Variants in NFIB observed in about 807,000 individuals in gnomAD.
NFIB encodes nuclear factor 1 B-type.
A neutral mutation model predicts 61.5 loss-of-function variants in NFIB; 11 were observed. That is an observed-to-expected ratio of 0.18 (90% CI 0.11 to 0.30). NFIB has a LOEUF of 0.30. NFIB is among the 10% of genes least tolerant of loss of function. The pLI is 1.00. For synonymous variants in NFIB, 260 were observed against 216.5 expected (o/e 1.20, Z -1.76); for missense variants, 471 against 608.9 (o/e 0.77, Z 2.38).
chr9:14,446,447 T>C, the NFIB span, among the ~76,000 whole-genome samples: 1 of 152,194 alleles, frequency 6.6e-6, no homozygotes, highest in Non-Finnish European at 1.5e-5. Flanking sequence ...TTTGTTATCT[T>C]ATGCTTCTTT....
intron 1 of NFIB, among the ~76,000 whole-genome samples, chr9:14,366,430 C>T (rs887350833): frequency 9.2e-5 from 14 of 152,122 alleles, no homozygotes; most frequent in Non-Finnish European, 1.5e-4. Flanking sequence ...TATTCCCTAG[C>T]GGATATGTGT....
rs2033126317 is a variant in NFIB at position 14,088,019 on chromosome 9, T to C, written c.*290A>G. The stretch of plus-strand genomic sequence containing the variant: ...AATATCATCGACCCTTTTTATGTCA[T>C]TACAGTTTCAACCTTAAGGGAATTA... On this transcript the variant is annotated 3_prime_UTR_variant, in exon 11 of 11. Coordinates refer to ENST00000380953, the MANE Select transcript of NFIB (RefSeq NM_001190737.2). 3 of 461,022 alleles carry C rather than the reference T, an allele frequency of 6.5e-6. No homozygotes were observed. The highest frequency in any genetic ancestry group is 4.0e-5 in the East Asian group (1 of 25,158). The allele number at this position is 461,022 out of a possible 1,614,324, so 28.6% of individuals were successfully genotyped here.
chr9:14,290,620 C>G (rs1316241656), intron 2 of NFIB, among the ~76,000 whole-genome samples: 1 of 152,036 alleles, frequency 6.6e-6, no homozygotes, highest in Admixed American at 6.6e-5. Context: ...AATACAGACC[C>G]TGTAATTCAC....
chr9:14,116,706 T>C (rs771444035), intron 8 of NFIB, among the ~76,000 whole-genome samples: 1 of 152,270 alleles, frequency 6.6e-6, no homozygotes, highest in African/African-American at 2.4e-5. Flanking sequence ...CTAGCTACAG[T>C]TGGAACCCAA....
At chr9:14,466,630 C>G in the NFIB span, among the ~76,000 whole-genome samples, 2 of 152,206 alleles carry the variant, frequency 1.3e-5, no homozygotes, top group African/African-American at 2.4e-5. Flanking sequence ...GAACACAGTC[C>G]TACCAGCAAG....
chr9:14,415,202 G>C, the NFIB span, among the ~76,000 whole-genome samples: 2 of 152,118 alleles, frequency 1.3e-5, no homozygotes, highest in African/African-American at 4.8e-5. Flanking sequence ...TTTCTTGCTG[G>C]CTATTGATTA....
chr9:14,519,076 T>C, the NFIB span, among the ~76,000 whole-genome samples: 3 of 152,152 alleles, frequency 2.0e-5, no homozygotes, highest in Non-Finnish European at 4.4e-5. Context: ...AGCTCATTTT[T>C]AAGTTGTGTG....
At chr9:14,361,433 G>A (rs1406538669) in intron 1 of NFIB, 1 of 152,144 alleles carries the variant, frequency 6.6e-6, no homozygotes, top group African/African-American at 2.4e-5. Context: ...CAGCACTTCT[G>A]TATTTGCTAG....
At chr9:14,245,347 T>G (rs918178799) in intron 2 of NFIB, among the ~76,000 whole-genome samples, 8 of 152,174 alleles carry the variant, frequency 5.3e-5, no homozygotes, top group African/African-American at 1.9e-4. Flanking sequence ...TCCTTCTTGC[T>G]GCTCTCCTGA....
chr9:14,224,033 G>A (rs915407864), intron 2 of NFIB, among the ~76,000 whole-genome samples: 2 of 152,128 alleles, frequency 1.3e-5, no homozygotes, highest in African/African-American at 4.8e-5. Context: ...AATATTAAAA[G>A]AAATAAGGTC....
At chr9:14,363,780 CAA>C (rs113318544) in intron 1 of NFIB, among the ~76,000 whole-genome samples, 1 of 151,884 alleles carries the variant, frequency 6.6e-6, no homozygotes, top group Non-Finnish European at 1.5e-5. Context: ...ACTTATTTTA[CAA>C]AAAAATGGGA....
At chr9:14,527,224 A>T in the NFIB span, among the ~76,000 whole-genome samples, 1 of 152,180 alleles carries the variant, frequency 6.6e-6, no homozygotes, top group Non-Finnish European at 1.5e-5. Context: ...TCTGTGACAA[A>T]ATTTGATATA....
the NFIB span, among the ~76,000 whole-genome samples, chr9:14,465,077 G>A: frequency 6.6e-6 from 1 of 152,134 alleles, no homozygotes; most frequent in African/African-American, 2.4e-5. Context: ...CAAATAATCT[G>A]TCATAAACAA....
At chr9:14,200,570 C>T (rs112490426) in intron 2 of NFIB, among the ~76,000 whole-genome samples, 1 of 152,148 alleles carries the variant, frequency 6.6e-6, no homozygotes, top group East Asian at 1.9e-4. Flanking sequence ...ACTTAGTTGA[C>T]TTTTCACACT....
chr9:14,471,255 C>T, the NFIB span, among the ~76,000 whole-genome samples: 2 of 152,174 alleles, frequency 1.3e-5, no homozygotes, highest in South Asian at 4.1e-4. Context: ...ACTGATGTTA[C>T]GCATGTAGGA....
chr9:14,321,866 T>A, intron 1 of NFIB: 1 of 1,230,306 alleles, frequency 8.1e-7, no homozygotes, highest in Non-Finnish European at 1.0e-6. Context: ...AAAGAAAAAC[T>A]GTGCCAGGGA....
chr9:14,377,369 C>G (rs1004134163), intron 1 of NFIB, among the ~76,000 whole-genome samples: 1 of 152,186 alleles, frequency 6.6e-6, no homozygotes, highest in Non-Finnish European at 1.5e-5. Flanking sequence ...GTGCACACCA[C>G]CACACCTGGC....
At chr9:14,436,805 T>A in the NFIB span, among the ~76,000 whole-genome samples, 3 of 152,182 alleles carry the variant, frequency 2.0e-5, no homozygotes, top group Admixed American at 2.0e-4. Context: ...AGTTCAGTTA[T>A]TTTTTCTGAA....
intron 1 of NFIB, among the ~76,000 whole-genome samples, chr9:14,386,706 G>T (rs2061553445): frequency 6.6e-6 from 1 of 152,156 alleles, no homozygotes; most frequent in South Asian, 2.1e-4. Flanking sequence ...GAATGTTAGT[G>T]CTTCTATTTT....
Sources: gnomAD v4.1 joint callset for allele counts (sites outside exome capture counted in the v4.1 genomes callset) on GRCh38, gnomAD v4.1.1 for gene constraint, MANE v1.5 for transcripts, NCBI Gene and HGNC (gene_info 2026-07-23, HGNC 2026-07-21) for gene names.